Variants in MACROD2 observed in about 807,000 individuals in gnomAD.
MACROD2 encodes the protein mono-ADP ribosylhydrolase 2.
A neutral mutation model predicts 70.4 loss-of-function variants in MACROD2; 36 were observed. That is an observed-to-expected ratio of 0.51 (90% CI 0.39 to 0.68). MACROD2 has a LOEUF of 0.68. MACROD2 is among the 30% of genes least tolerant of loss of function. The probability of loss-of-function intolerance (pLI) is 0.00; values close to 1 mark genes in which losing one functional copy is unlikely to be tolerated. For synonymous variants in MACROD2, 172 were observed against 178.8 expected (o/e 0.96, Z 0.30); for missense variants, 496 against 538.4 (o/e 0.92, Z 0.78).
At chr20:14,749,561 C>T in intron 5 of MACROD2, among the ~76,000 whole-genome samples, 1 of 151,956 alleles carries the variant, frequency 6.6e-6, no homozygotes, top group Non-Finnish European at 1.5e-5. Context: ...AGTATACCCC[C>T]AAAATATAAT....
intron 8 of MACROD2, among the ~76,000 whole-genome samples, chr20:15,751,979 A>T (rs2051279042): frequency 6.6e-6 from 1 of 151,936 alleles, no homozygotes; most frequent in African/African-American, 2.4e-5. Flanking sequence ...AGAAAAGCTG[A>T]AATTATATCA....
intron 4 of MACROD2, among the ~76,000 whole-genome samples, chr20:14,503,348 G>A (rs1394127721): frequency 6.6e-6 from 1 of 152,160 alleles, no homozygotes; most frequent in Non-Finnish European, 1.5e-5. Flanking sequence ...GAGAGACCTG[G>A]CAATAGTCTG....
intron 5 of MACROD2, among the ~76,000 whole-genome samples, chr20:15,027,558 GGGGGGAAATAATATCTATTT>G (rs2075242013): frequency 1.2e-5 from 1 of 85,284 alleles, no homozygotes; most frequent in Non-Finnish European, 3.4e-5. Context: ...TGGTGGTGGT[GGGGGGAAATAATATCTATTT>G]GTGAAAAAAG....
At chr20:14,684,648 ACCCCC>A (rs11467642) in intron 4 of MACROD2, among the ~76,000 whole-genome samples, 190 bp from the exon 5 acceptor site, 2 of 134,958 alleles carry the variant, frequency 1.5e-5, no homozygotes, top group Middle Eastern at 4.2e-3. Context: ...ACATAACCTC[ACCCCC>A]CCCCCCCGGC....
chr20:14,933,071 G>A (rs956766980), intron 5 of MACROD2, among the ~76,000 whole-genome samples: 20 of 151,934 alleles, frequency 1.3e-4, no homozygotes, highest in East Asian at 1.9e-4. Flanking sequence ...CTCTTTTAAC[G>A]TAACCTTTTT....
chr20:15,289,518 A>G (rs894095092), intron 6 of MACROD2, among the ~76,000 whole-genome samples: 1 of 152,222 alleles, frequency 6.6e-6, no homozygotes, highest in Non-Finnish European at 1.5e-5. Flanking sequence ...CCGGGTGCAC[A>G]TCGGGGCTAG....
At chr20:14,702,462 T>C (rs77754110) in intron 5 of MACROD2, among the ~76,000 whole-genome samples, 4,775 of 151,014 alleles carry the variant, frequency 0.032, 101 homozygotes, top group Non-Finnish European at 0.046. Context: ...ATACATGGTA[T>C]TGTGTTTTTA....
rs954406541 is a variant in MACROD2 at position 15,211,662 on chromosome 20, C to A, written c.419-18278C>A. On this transcript the variant is annotated intron_variant, in intron 5 of 17. Coordinates refer to ENST00000684519, the MANE Select transcript of MACROD2 (RefSeq NM_001351661.2). ...ATACTAGCTCCCCTTTGCCTTCCAC[C>A]ATGATCGTAAGCGTCCTGAGTCCCT... Among the ~76,000 whole-genome samples, 5 of 152,212 alleles carry A rather than the reference C, an allele frequency of 3.3e-5. No individual in the cohort carries two copies. In the Middle Eastern group the frequency reaches 0.01, roughly 311 times the overall value.
chr20:14,562,471 A>T (rs750393172), intron 4 of MACROD2, among the ~76,000 whole-genome samples: 51 of 151,642 alleles, frequency 3.4e-4, no homozygotes, highest in Non-Finnish European at 6.5e-4. Context: ...AAGAGTATAG[A>T]TATAATTTTT....
At chr20:15,631,832 G>T (rs533333613) in intron 8 of MACROD2, among the ~76,000 whole-genome samples, 1 of 152,250 alleles carries the variant, frequency 6.6e-6, no homozygotes, top group South Asian at 2.1e-4. Context: ...GGGTGATCTG[G>T]ACATGGGGAT....
At chr20:14,087,357 C>T (rs2054090462) in intron 3 of MACROD2, among the ~76,000 whole-genome samples, 2 of 151,502 alleles carry the variant, frequency 1.3e-5, no homozygotes, top group African/African-American at 2.4e-5. Flanking sequence ...GATCATACCA[C>T]TGCACTCCAG....
At chr20:14,464,586 G>A (rs1014292022) in intron 3 of MACROD2, among the ~76,000 whole-genome samples, 4 of 151,980 alleles carry the variant, frequency 2.6e-5, no homozygotes, top group African/African-American at 9.7e-5. Context: ...GCTTTTGAAT[G>A]TGTTTGCTCT....
intron 8 of MACROD2, among the ~76,000 whole-genome samples, chr20:15,669,207 G>T (rs528080852): frequency 6.6e-6 from 1 of 152,198 alleles, no homozygotes; most frequent in African/African-American, 2.4e-5. Context: ...TGAGGTCAAA[G>T]TACGAATATA....
At chr20:15,446,814 G>A (rs1339737126) in intron 7 of MACROD2, among the ~76,000 whole-genome samples, 2 of 151,978 alleles carry the variant, frequency 1.3e-5, no homozygotes, top group Non-Finnish European at 2.9e-5. Context: ...CTCATCCTTA[G>A]TGAAAAAGAT....
intron 3 of MACROD2, among the ~76,000 whole-genome samples, chr20:14,465,105 T>C (rs1461237820): frequency 2.0e-5 from 3 of 152,088 alleles, no homozygotes; most frequent in Non-Finnish European, 4.4e-5. Flanking sequence ...ACTTTCTGTC[T>C]CATTGATCTG....
chr20:15,443,363 A>G (rs1349824520), intron 7 of MACROD2, among the ~76,000 whole-genome samples: 1 of 152,148 alleles, frequency 6.6e-6, no homozygotes, highest in Non-Finnish European at 1.5e-5. Context: ...TGGGTAGTCA[A>G]AGGAAATCTC....
At position 14,858,294 on chromosome 20, in the gene MACROD2, A is replaced by T. The variant is rs1023266171; in HGVS notation, c.418+173335A>T. On this transcript the variant is annotated intron_variant, in intron 5 of 17. Coordinates refer to ENST00000684519, the MANE Select transcript of MACROD2 (RefSeq NM_001351661.2). ...GTGGTTAACCCGATGCAGGAGTCTG[A>T]GTGGAACTCTGAACAGGATGAGACA... Among the ~76,000 whole-genome samples, 6 of 152,050 alleles carry T rather than the reference A, an allele frequency of 3.9e-5. 1 individual carries two copies. The highest frequency in any genetic ancestry group is 2.6e-4 in the Admixed American group (4 of 15,252).
chr20:14,640,595 A>G (rs1451576825), intron 4 of MACROD2, among the ~76,000 whole-genome samples: 1 of 152,114 alleles, frequency 6.6e-6, no homozygotes, highest in Non-Finnish European at 1.5e-5. Flanking sequence ...ACCCCAAATT[A>G]TCTAATACAG....
intron 5 of MACROD2, among the ~76,000 whole-genome samples, chr20:15,203,109 G>T (rs2076671266): frequency 1.3e-5 from 2 of 152,174 alleles, no homozygotes; most frequent in South Asian, 4.1e-4. Context: ...CACACATTTG[G>T]TTTTTCAAAT....
Sources: gnomAD v4.1 joint callset for allele counts (sites outside exome capture counted in the v4.1 genomes callset) on GRCh38, gnomAD v4.1.1 for gene constraint, MANE v1.5 for transcripts, NCBI Gene and HGNC (gene_info 2026-07-23, HGNC 2026-07-21) for gene names.